TANC1: variants seen among roughly 807,000 people sequenced by gnomAD.
TANC1 encodes the protein protein TANC1.
Under a neutral mutation model 149.7 loss-of-function variants are expected in TANC1, and 77 were observed. The ratio of observed to expected loss-of-function variants is 0.51; its 90% confidence interval spans 0.43 to 0.62. The LOEUF (loss-of-function observed/expected upper bound fraction) is 0.62, where lower values mean the gene tolerates loss of function less well. Among genes scored for constraint, TANC1 ranks in the 20% least tolerant of loss-of-function variants. TANC1 has a pLI of 0.00. For missense variants in TANC1, 1,985 were observed against 2,321.8 expected (o/e 0.85, Z 2.98); for synonymous variants, 854 against 925.0 (o/e 0.92, Z 1.39).
chr2:159,165,254 G>A (rs1055216602), intron 8 of TANC1, among the ~76,000 whole-genome samples: 38 of 152,176 alleles, frequency 2.5e-4, no homozygotes, highest in African/African-American at 7.7e-4. Flanking sequence ...TTTTCCAGGA[G>A]GCTGCCGTGA....
rs538200847 is a variant in TANC1, at chr2:159,175,883, G to A, written c.1736-469G>A. 1.2e-4 allele frequency among the ~76,000 whole-genome samples: 18 copies of A among 152,360 alleles called. No homozygotes were observed. In the South Asian group the frequency reaches 2.1e-3, roughly 18 times the overall value. The stretch of plus-strand genomic sequence containing the variant: ...GAGCCCTGTTGGAGGAGTCGGTAGC[G>A]TGGAGCTCTCACGCTGTGTTGGTTG... On this transcript the variant is annotated intron_variant, in intron 12 of 26. Transcript: ENST00000263635.
chr2:159,055,691 A>G (rs1235158173), intron 2 of TANC1, among the ~76,000 whole-genome samples: 1 of 151,932 alleles, frequency 6.6e-6, no homozygotes, highest in East Asian at 1.9e-4. Context: ...TGGCTATCCT[A>G]CCTCTCAGGG....
At chr2:159,138,247 G>C (rs920791249) in intron 5 of TANC1, among the ~76,000 whole-genome samples, 1 of 152,046 alleles carries the variant, frequency 6.6e-6, no homozygotes, top group South Asian at 2.1e-4. Flanking sequence ...TAAGAAGCAG[G>C]GTATGTTTTC....
intron 2 of TANC1, among the ~76,000 whole-genome samples, chr2:159,041,579 G>A (rs1293174240): frequency 6.6e-6 from 1 of 152,218 alleles, no homozygotes; most frequent in Non-Finnish European, 1.5e-5. Context: ...GTGGGAGCGG[G>A]ACCCGCTGAG....
At chr2:159,224,723 C>G (rs958949971) in intron 23 of TANC1, 1 of 219,582 alleles carries the variant, frequency 4.6e-6, no homozygotes, top group African/African-American at 2.2e-5. Flanking sequence ...AGCCACTGTT[C>G]TAGAGCCACC....
At chr2:159,116,685 A>G (rs2048303492) in intron 4 of TANC1, among the ~76,000 whole-genome samples, 1 of 152,230 alleles carries the variant, frequency 6.6e-6, no homozygotes, top group Non-Finnish European at 1.5e-5. Flanking sequence ...TTTATGTATA[A>G]AAACACTCAG....
intron 1 of TANC1, among the ~76,000 whole-genome samples, chr2:158,982,578 C>A (rs1350343465): frequency 1.3e-5 from 2 of 152,162 alleles, no homozygotes; most frequent in African/African-American, 2.4e-5. Context: ...CCTCCTCTTA[C>A]CATATTTTAT....
intron 4 of TANC1, among the ~76,000 whole-genome samples, chr2:159,122,129 G>T (rs527342531): frequency 4.3e-4 from 66 of 152,236 alleles, no homozygotes; most frequent in African/African-American, 1.5e-3. Flanking sequence ...GTAGAGACAG[G>T]GTTTCACCAT....
At chr2:159,138,598 A>T (rs2051028935) in intron 5 of TANC1, among the ~76,000 whole-genome samples, 1 of 152,226 alleles carries the variant, frequency 6.6e-6, no homozygotes. Flanking sequence ...CATGATGGGC[A>T]AACCCTCATT....
At chr2:159,214,643 C>G (rs731062) in intron 19 of TANC1, among the ~76,000 whole-genome samples, 34,722 of 152,114 alleles carry the variant, frequency 0.23, 4,133 homozygotes, top group South Asian at 0.33. Flanking sequence ...GAAGTTGTTA[C>G]GCCTCTTGGA....
At chr2:159,179,364 A>G (rs2056223819) in intron 14 of TANC1, among the ~76,000 whole-genome samples, 2 of 152,022 alleles carry the variant, frequency 1.3e-5, no homozygotes, top group African/African-American at 2.4e-5. Flanking sequence ...GCTGCCTTCT[A>G]ATTGCTAGGA....
chr2:159,021,741 T>A (rs2038849284), intron 2 of TANC1, among the ~76,000 whole-genome samples: 1 of 152,236 alleles, frequency 6.6e-6, no homozygotes, highest in African/African-American at 2.4e-5. Flanking sequence ...TAAAATTAAA[T>A]GAATTGCTGA....
chr2:159,197,050 T>C (rs2057911907), intron 18 of TANC1, among the ~76,000 whole-genome samples: 1 of 152,214 alleles, frequency 6.6e-6, no homozygotes, highest in Non-Finnish European at 1.5e-5. Flanking sequence ...CAGCTCTTCC[T>C]CATGTCTCTC....
chr2:159,139,738 G>A (rs1241714433), intron 5 of TANC1, among the ~76,000 whole-genome samples: 1 of 140,980 alleles, frequency 7.1e-6, no homozygotes, highest in East Asian at 1.9e-4. Context: ...AGTCAGTGAC[G>A]AAACTTTTTT....
chr2:159,207,156 C>T (rs1019035118), intron 19 of TANC1, among the ~76,000 whole-genome samples: 4 of 152,156 alleles, frequency 2.6e-5, no homozygotes, highest in African/African-American at 9.7e-5. Flanking sequence ...CATGAGGAAC[C>T]GCTCAAACAT....
At chr2:159,000,535 G>A (rs927380749) in intron 1 of TANC1, among the ~76,000 whole-genome samples, 14 of 152,152 alleles carry the variant, frequency 9.2e-5, no homozygotes, top group Middle Eastern at 3.4e-3. Flanking sequence ...GTGGTCTTTC[G>A]GGCCCAGGGT....
chr2:159,157,077 G>C (rs1460841129), intron 7 of TANC1, among the ~76,000 whole-genome samples: 2 of 152,224 alleles, frequency 1.3e-5, no homozygotes, highest in South Asian at 2.1e-4. Flanking sequence ...GGGGCTCCCA[G>C]AGCAAGGCCA....
At chr2:159,181,010 C>T (rs964716793) in intron 14 of TANC1, among the ~76,000 whole-genome samples, 1 of 152,164 alleles carries the variant, frequency 6.6e-6, no homozygotes, top group African/African-American at 2.4e-5. Context: ...GCATTTCTTC[C>T]CCAACTCCCA....
chr2:159,184,992 A>C (rs553635208), intron 14 of TANC1, among the ~76,000 whole-genome samples: 1 of 152,368 alleles, frequency 6.6e-6, no homozygotes, highest in East Asian at 1.9e-4. Context: ...CATCTAGATT[A>C]GCAACTACTA....
Sources: gnomAD v4.1 joint callset for allele counts (sites outside exome capture counted in the v4.1 genomes callset) on GRCh38, gnomAD v4.1.1 for gene constraint, MANE v1.5 for transcripts, NCBI Gene and HGNC (gene_info 2026-07-23, HGNC 2026-07-21) for gene names.